The following SLC6A2 variants were observed in gnomAD, a reference collection of about 807,000 sequenced individuals.
SLC6A2 encodes solute carrier family 6 member 2, also known as sodium-dependent noradrenaline transporter.
A neutral mutation model predicts 71.7 loss-of-function variants in SLC6A2; 26 were observed. The observed-to-expected ratio is 0.36, with a 90% CI of 0.27 to 0.50. SLC6A2 has a LOEUF of 0.50. Among genes scored for constraint, SLC6A2 ranks in the 20% least tolerant of loss-of-function variants. The pLI is 0.96. For missense variants in SLC6A2, 581 were observed against 803.9 expected (o/e 0.72, Z 3.35); for synonymous variants, 363 against 337.9 (o/e 1.07, Z -0.82).
intron 3 of SLC6A2, 61 bp from the exon 4 acceptor site, chr16:55,671,876 AG>A: frequency 6.2e-7 from 1 of 1,611,318 alleles, no homozygotes; most frequent in Non-Finnish European, 8.5e-7. Context: ...GCCACACCCA[AG>A]GAGAGGTGGC....
At chr16:55,698,636 G>A in intron 11 of SLC6A2, 68 bp downstream of exon 11, 1 of 1,112,246 alleles carries the variant, frequency 9.0e-7, no homozygotes, top group Non-Finnish European at 1.4e-6. Context: ...AGGTGTGCAG[G>A]GAGGCCTTCC....
At chr16:55,681,899 A>G (rs1218694053) in intron 4 of SLC6A2, among the ~76,000 whole-genome samples, 2 of 151,834 alleles carry the variant, frequency 1.3e-5, no homozygotes, top group Non-Finnish European at 2.9e-5. Flanking sequence ...CTTTAGTGTA[A>G]ATTTGTTTTG....
At chr16:55,685,385 C>A in intron 5 of SLC6A2, 104 bp downstream of exon 5, 1 of 1,261,978 alleles carries the variant, frequency 7.9e-7, no homozygotes, top group Non-Finnish European at 1.2e-6. Flanking sequence ...AAAGATGGAG[C>A]TGGAAGTGCA....
Position 55,666,984 on chromosome 16 carries a change from T to C in SLC6A2, c.275-2581T>C, listed in dbSNP as rs1964767925. 3.4e-5 allele frequency among the ~76,000 whole-genome samples: 5 copies of C among 149,076 alleles called. No individual in the cohort carries two copies. The South Asian group carries it at 1.1e-3, about 32-fold the overall frequency. On this transcript the variant is annotated intron_variant, in intron 2 of 14. Transcript: ENST00000568943. ...ATTTTTTGTTTATTTGTTTGTTTTG[T>C]TTTCTTCTCTCTTTTTCTCTCTCTC...
Position 55,701,954 on chromosome 16 carries a change from C to T in SLC6A2, c.1830+20C>T. ...TTCCAGGTGGGTGAAGCCTAGACCC[C>T]TGGGGTGGAGATTACAAGGGCGGGC... is the stretch of plus-strand genomic sequence containing the variant. On this transcript the variant is annotated intron_variant, in intron 14 of 14. Coordinates refer to ENST00000568943, the MANE Select transcript of SLC6A2 (RefSeq NM_001172501.3). The T allele has an allele frequency of 6.3e-7, 1 of 1,594,660 alleles. No homozygotes were observed. Among genetic ancestry groups the T allele is most frequent in the Non-Finnish European group, 8.6e-7 (1 of 1,162,272 alleles).
intron 12 of SLC6A2, 25 bp downstream of exon 12, chr16:55,699,679 C>A: frequency 6.6e-7 from 1 of 1,520,972 alleles, no homozygotes; most frequent in South Asian, 1.1e-5. Context: ...CAGGGAAGTC[C>A]TGCATGTGGG....
Position 55,691,985 on chromosome 16 carries a change from T to G in SLC6A2, c.851T>G (p.Leu284Arg). ...LFVLLVHGVT[L>R]PGASNGINAY... ...GTGCTCCTGGTCCATGGCGTCACGCTGCCCGGAGCCTCCAATGGCATCAAT... is the reference window on the plus strand; with the variant it reads ...GTGCTCCTGGTCCATGGCGTCACGCGGCCCGGAGCCTCCAATGGCATCAAT... The change falls in exon 6 of 15, where the codon CTG becomes CGG. Residue 284 changes from leucine to arginine, a missense_variant. By Grantham distance (102) the Leu-to-Arg change is moderately radical. Around this residue, in one of 5 missense-constraint regions of SLC6A2, gnomAD observed 334 missense variants for 449.0 expected, o/e 0.74. Transcript: ENST00000568943. The G allele has an allele frequency of 6.2e-7, 1 of 1,614,204 alleles. No homozygotes were observed. The highest frequency in any genetic ancestry group is 8.5e-7 in the Non-Finnish European group (1 of 1,180,020).
At chr16:55,671,843 G>C (rs778636958) in intron 3 of SLC6A2, 95 bp from the exon 4 acceptor site, 1 of 1,584,646 alleles carries the variant, frequency 6.3e-7, no homozygotes. Context: ...GAGAGACAGA[G>C]GGAATGGGAG....
Position 55,656,541 on chromosome 16 carries a change from G to A in SLC6A2, c.-51-103G>A, listed in dbSNP as rs1964453325. 2 of 926,438 alleles carry A rather than the reference G, an allele frequency of 2.2e-6. No individual in the cohort carries two copies. The highest frequency in any genetic ancestry group is 2.4e-5 in the East Asian group (1 of 40,990). 57.4% of individuals were successfully genotyped at this position (926,438 alleles called of 1,614,324 possible). The stretch of plus-strand genomic sequence containing the variant: ...TTTCTGGGAACCCTGCGTCCGCTCA[G>A]CGCGCGCTCATCCCAGTGTCTAAGG... On this transcript the variant is annotated intron_variant, in intron 1 of 14. Transcript: ENST00000568943. The surrounding 1 kb of genome is among the most constrained non-coding windows in gnomAD (Gnocchi z 4.5).
chr16:55,669,512 G>T, intron 2 of SLC6A2, 53 bp from the exon 3 acceptor site: 2 of 1,610,214 alleles, frequency 1.2e-6, no homozygotes, highest in South Asian at 1.1e-5. Context: ...ACGGATCCAA[G>T]ACTGGGAGGG....
chr16:55,705,963 T>C lies in SLC6A2; in HGVS notation c.*3617T>C, dbSNP rs42879. On this transcript the variant is annotated 3_prime_UTR_variant, in exon 15 of 15. Transcript: ENST00000568943. The stretch of plus-strand genomic sequence containing the variant: ...AGGATCCACAGCTCTGCTGTGGTCT[T>C]AGAAGCCACTGAAACATTGGTGAAT... The C allele has an allele frequency of 0.033, 4,998 of 152,316 alleles. 181 individuals carry two copies. Among genetic ancestry groups the C allele is most frequent in the East Asian group, 0.21 (1,066 of 5,158 alleles). 9.4% of individuals were successfully genotyped at this position (152,316 alleles called of 1,614,324 possible).
At position 55,703,242 on chromosome 16, in the gene SLC6A2, AG is replaced by A; in HGVS notation, c.*897del. The A allele has an allele frequency of 2.0e-6, 2 of 985,500 alleles. No individual in the cohort carries two copies. Among genetic ancestry groups the A allele is most frequent in the Non-Finnish European group, 2.4e-6 (2 of 830,012 alleles). The allele number at this position is 985,500 out of a possible 1,614,324, so 61.0% of individuals were successfully genotyped here. ...CCTGGGGAAACGGGGGCAGGGACCA[AG>A]TGAGGCCTCATGTGTGTCTTCACCG... is the stretch of plus-strand genomic sequence containing the variant. On this transcript the variant is annotated 3_prime_UTR_variant, in exon 15 of 15. Coordinates refer to ENST00000568943, the MANE Select transcript of SLC6A2 (RefSeq NM_001172501.3).
At position 55,661,436 on chromosome 16, in the gene SLC6A2, G is replaced by C. The variant is rs3785144; in HGVS notation, c.274+4468G>C. Among the ~76,000 whole-genome samples, 468 of 152,302 alleles carry C rather than the reference G, an allele frequency of 3.1e-3. 5 individuals are homozygous for C. In the South Asian group the frequency reaches 0.048, roughly 16 times the overall value. On this transcript the variant is annotated intron_variant, in intron 2 of 14. Coordinates refer to ENST00000568943, the MANE Select transcript of SLC6A2 (RefSeq NM_001172501.3). ...ACCACAGCACCTTCTTGCAGGGTGA[G>C]ATGGCATCAGAGACAATATATGTAA... is the stretch of plus-strand genomic sequence containing the variant.
intron 2 of SLC6A2, among the ~76,000 whole-genome samples, chr16:55,667,476 C>T (rs922922375): frequency 8.5e-5 from 13 of 152,186 alleles, no homozygotes; most frequent in African/African-American, 2.7e-4. Flanking sequence ...GCTCAACAAA[C>T]GGTACTTGTT....
intron 4 of SLC6A2, among the ~76,000 whole-genome samples, chr16:55,682,392 A>G (rs1460947666): frequency 6.6e-6 from 1 of 152,106 alleles, no homozygotes; most frequent in African/African-American, 2.4e-5. Context: ...AAAGATTGAG[A>G]GTGTGTGGGA....
At chr16:55,695,231 G>T (rs11568339) in intron 7 of SLC6A2, 47 bp from the exon 8 acceptor site, 1 of 1,612,766 alleles carries the variant, frequency 6.2e-7, no homozygotes, top group Non-Finnish European at 8.5e-7. Flanking sequence ...CAAAACACAG[G>T]GTTGAGGGTG....
At chr16:55,672,265 G>C in intron 4 of SLC6A2, 90 bp downstream of exon 4, 2 of 1,608,938 alleles carry the variant, frequency 1.2e-6, no homozygotes, top group Non-Finnish European at 1.7e-6. Context: ...AGACCAAGGA[G>C]ACGCATGCCG....
intron 2 of SLC6A2, among the ~76,000 whole-genome samples, chr16:55,664,360 T>A (rs942408901): frequency 6.6e-6 from 1 of 152,220 alleles, no homozygotes. Flanking sequence ...GTCCTGCATT[T>A]GCTCATGGTC....
rs150274915 is a variant in SLC6A2, at chr16:55,671,972, C to T, written c.441C>T (p.Tyr147=). The part of the protein sequence containing the change: ...VGYAVILIAL[Y]VGFYYNVIIA... ...ATGCTGTCATCCTGATCGCCCTGTA[C>T]GTTGGCTTCTACTACAACGTCATCA... Residue 147 remains tyrosine, a synonymous_variant, in exon 4 of 15, where the codon TAC becomes TAT. Coordinates refer to ENST00000568943, the MANE Select transcript of SLC6A2 (RefSeq NM_001172501.3). The T allele has an allele frequency of 9.9e-6, 16 of 1,614,148 alleles. No homozygotes were observed. The highest frequency in any genetic ancestry group is 5.0e-5 in the Admixed American group (3 of 60,012).
Sources: allele counts gnomAD v4.1 joint callset (sites outside exome capture counted in the v4.1 genomes callset), GRCh38; gene constraint gnomAD v4.1.1; regional missense constraint gnomAD v4.1.1; non-coding constraint Gnocchi (gnomAD v3.1); transcripts MANE v1.5; gene names NCBI Gene and HGNC (gene_info 2026-07-23, HGNC 2026-07-21).